PIKFYVE: variants seen among roughly 807,000 people sequenced by gnomAD.
The protein encoded by PIKFYVE is phosphoinositide kinase, FYVE-type zinc finger containing.
Under a neutral mutation model 257.9 loss-of-function variants are expected in PIKFYVE, and 122 were observed. The ratio of observed to expected loss-of-function variants is 0.47; its 90% CI spans 0.41 to 0.55. The LOEUF is 0.55. Ranked by LOEUF, PIKFYVE falls within the 20% of genes least tolerant of loss-of-function variation. PIKFYVE has a pLI of 0.00. For missense variants in PIKFYVE, 2,160 were observed against 2,536.6 expected, an observed-to-expected ratio of 0.85 and a Z score of 3.19; for synonymous variants, 892 against 868.9, an observed-to-expected ratio of 1.03 and a Z score of -0.47.
At chr2:208,352,593 T>G in intron 38 of PIKFYVE, 61 bp from the exon 39 acceptor site, 1 of 1,559,354 alleles carries the variant, frequency 6.4e-7, no homozygotes, top group Non-Finnish European at 8.8e-7. Flanking sequence ...ATCCTTATAT[T>G]GGTATTAAAT....
chr2:208,325,564 C>A lies in PIKFYVE; in HGVS notation c.2753C>A (p.Pro918His). Residue 918 changes from proline to histidine, a missense_variant, in exon 20 of 42, where the codon CCT becomes CAT. By Grantham distance (77) the Pro-to-His change is moderately conservative. Around this residue, in one of 12 missense-constraint regions of PIKFYVE, gnomAD observed 522 missense variants for 514.6 expected, o/e 1.01. Transcript: ENST00000264380. ...GGSIPWDPDIPPESLPCDDSS... is the reference protein window; with the variant it reads ...GGSIPWDPDIHPESLPCDDSS... The stretch of plus-strand genomic sequence containing the variant: ...TCCATCCCCTGGGATCCTGACATCC[C>A]TCCTGAGTCTCTGCCCTGTGATGAT... 1 of 1,614,130 alleles carries A rather than the reference C, an allele frequency of 6.2e-7. No homozygotes were observed. The highest frequency in any genetic ancestry group is 8.5e-7 in the Non-Finnish European group (1 of 1,180,006).
At position 208,336,176 on chromosome 2, in the gene PIKFYVE, A is replaced by C; in HGVS notation, c.4496A>C (p.Glu1499Ala). Residue 1499 changes from glutamate (E) to alanine (A), a missense_variant, in exon 27 of 42, where the codon GAA becomes GCA. Around this residue, in one of 12 missense-constraint regions of PIKFYVE, gnomAD observed 699 missense variants for 855.8 expected, o/e 0.82. Transcript: ENST00000264380. ...SLIAKKQSLC[E>A]VLQAWNNRLQ... ...ATTGCCAAGAAACAAAGTCTCTGTG[A>C]AGTGCTGCAAGCTTGGAATAACAGG... 6.2e-7 allele frequency: 1 copy of C among 1,614,012 alleles called. No homozygotes were observed. The highest frequency in any genetic ancestry group is 8.5e-7 in the Non-Finnish European group (1 of 1,179,936).
intron 20 of PIKFYVE, among the ~76,000 whole-genome samples, chr2:208,327,657 G>T (rs4675754): frequency 0.93 from 141,609 of 152,252 alleles, 66,380 homozygotes; most frequent in Non-Finnish European, 0.98. Context: ...GTCAAACTCC[G>T]CAGCTTAGGA....
chr2:208,311,939 C>T (rs1694977772), intron 12 of PIKFYVE, among the ~76,000 whole-genome samples: 1 of 152,074 alleles, frequency 6.6e-6, no homozygotes, highest in Non-Finnish European at 1.5e-5. Context: ...TTTTCATAAA[C>T]CGGTTGGTTT....
At chr2:208,278,140 A>C (rs1690346096) in intron 5 of PIKFYVE, among the ~76,000 whole-genome samples, 1 of 152,226 alleles carries the variant, frequency 6.6e-6, no homozygotes, top group South Asian at 2.1e-4. Flanking sequence ...CAGAAAATTT[A>C]AGTTATTTCT....
At chr2:208,269,796 G>T in intron 1 of PIKFYVE, 1 of 250,538 alleles carries the variant, frequency 4.0e-6, no homozygotes, top group Non-Finnish European at 8.7e-6. Flanking sequence ...CCACTTTGGA[G>T]AGATCAACTG....
chr2:208,287,106 A>C (rs1247479670), intron 6 of PIKFYVE, among the ~76,000 whole-genome samples: 3 of 152,026 alleles, frequency 2.0e-5, no homozygotes, highest in African/African-American at 7.2e-5. Flanking sequence ...AAATTTAAAA[A>C]TTTAAAAATA....
rs16840867 is a variant in PIKFYVE at position 208,297,533 on chromosome 2, G to A, written c.912-1108G>A. On this transcript the variant is annotated intron_variant, in intron 7 of 41. Transcript: ENST00000264380. Reference sequence around the variant, plus strand: ...TTTTTCAATTGACACCTAATTCTAGGTGGCAGCCCTGATACATATTAGGCG... The same window carrying A: ...TTTTTCAATTGACACCTAATTCTAGATGGCAGCCCTGATACATATTAGGCG... Among the ~76,000 whole-genome samples, 227 of 152,104 alleles carry A rather than the reference G, an allele frequency of 1.5e-3. 1 individual carries two copies. The highest frequency in any genetic ancestry group is 5.1e-3 in the African/African-American group (212 of 41,502).
intron 6 of PIKFYVE, among the ~76,000 whole-genome samples, chr2:208,287,521 G>A (rs1160617510): frequency 6.6e-6 from 1 of 151,870 alleles, no homozygotes; most frequent in African/African-American, 2.4e-5. Flanking sequence ...TGATCTACCC[G>A]CCTCGGCCTC....
chr2:208,299,908 T>G (rs2125311745), intron 8 of PIKFYVE, among the ~76,000 whole-genome samples: 1 of 152,206 alleles, frequency 6.6e-6, no homozygotes, highest in South Asian at 2.1e-4. Flanking sequence ...TCCCAGCTAC[T>G]TGGGAGGCTA....
intron 5 of PIKFYVE, among the ~76,000 whole-genome samples, chr2:208,281,638 G>T (rs1383030759): frequency 2.0e-5 from 3 of 152,176 alleles, no homozygotes; most frequent in Non-Finnish European, 2.9e-5. Flanking sequence ...TTGCAAGGCA[G>T]CTAACTCAGG....
At chr2:208,277,076 A>G (rs1305175873) in intron 4 of PIKFYVE, among the ~76,000 whole-genome samples, 4 of 152,154 alleles carry the variant, frequency 2.6e-5, no homozygotes, top group Non-Finnish European at 4.4e-5. Flanking sequence ...GGCAGTAGAT[A>G]TTCTCCTATG....
At chr2:208,337,735 T>G (rs1411875212) in intron 28 of PIKFYVE, among the ~76,000 whole-genome samples, 1 of 152,132 alleles carries the variant, frequency 6.6e-6, no homozygotes, top group Non-Finnish European at 1.5e-5. Context: ...AATTTTTTTT[T>G]TTGAGAGATG....
chr2:208,313,367 T>C (rs192230442), intron 13 of PIKFYVE, among the ~76,000 whole-genome samples: 1 of 152,316 alleles, frequency 6.6e-6, no homozygotes, highest in Non-Finnish European at 1.5e-5. Flanking sequence ...ATTTATGTTT[T>C]TGAGTCTGTC....
At chr2:208,322,507 A>G (rs1292855427) in intron 17 of PIKFYVE, among the ~76,000 whole-genome samples, 1 of 151,506 alleles carries the variant, frequency 6.6e-6, no homozygotes, top group African/African-American at 2.4e-5. Context: ...TTAAATTAAG[A>G]ATTGAAAATC....
intron 3 of PIKFYVE, among the ~76,000 whole-genome samples, chr2:208,274,274 T>G (rs1689824062): frequency 6.6e-6 from 1 of 152,208 alleles, no homozygotes; most frequent in Non-Finnish European, 1.5e-5. Context: ...CACAGTCATC[T>G]CCTTCATTTT....
intron 12 of PIKFYVE, among the ~76,000 whole-genome samples, chr2:208,308,223 AC>A (rs1281278844): frequency 6.6e-6 from 1 of 151,794 alleles, no homozygotes; most frequent in Non-Finnish European, 1.5e-5. Context: ...ATGTGGCAAA[AC>A]CCCGTCTCTA....
chr2:208,287,065 A>G (rs1691666353), intron 6 of PIKFYVE, among the ~76,000 whole-genome samples: 1 of 148,844 alleles, frequency 6.7e-6, no homozygotes. Context: ...AAATCATCTA[A>G]TCATGTCACC....
rs913857596 is a variant in PIKFYVE, at chr2:208,312,314, G to T, written c.1696+19G>T. 1.3e-6 allele frequency: 2 copies of T among 1,581,080 alleles called. No homozygotes were observed. The highest frequency in any genetic ancestry group is 1.7e-6 in the Non-Finnish European group (2 of 1,153,662). ...ATCAAAGGTAATTTTATAAAAAGCTGTATGTGGAATGGTGTCTCTTTTTTT... is the reference window on the plus strand; with the variant it reads ...ATCAAAGGTAATTTTATAAAAAGCTTTATGTGGAATGGTGTCTCTTTTTTT... On this transcript the variant is annotated intron_variant, in intron 13 of 41. Coordinates refer to ENST00000264380, the MANE Select transcript of PIKFYVE (RefSeq NM_015040.4).
Sources: allele counts gnomAD v4.1 joint callset (sites outside exome capture counted in the v4.1 genomes callset), GRCh38; gene constraint gnomAD v4.1.1; regional missense constraint gnomAD v4.1.1; transcripts MANE v1.5; gene names NCBI Gene and HGNC (gene_info 2026-07-23, HGNC 2026-07-21).